Variants in MN1 observed in about 807,000 individuals in gnomAD.
MN1 encodes the protein MN1 proto-oncogene, transcriptional regulator.
A neutral mutation model predicts 86.9 loss-of-function variants in MN1; 19 were observed. The ratio of observed to expected loss-of-function variants is 0.22; its 90% confidence interval spans 0.15 to 0.32. The LOEUF (loss-of-function observed/expected upper bound fraction) is 0.32, where lower values mean the gene tolerates loss of function less well. MN1 is among the 10% of genes least tolerant of loss of function. The pLI, the probability that MN1 is intolerant of heterozygous loss-of-function variation, is 1.00. For missense variants in MN1, 1,841 were observed against 1,862.0 expected (o/e 0.99, Z 0.21); for synonymous variants, 928 against 849.6 (o/e 1.09, Z -1.60).
intron 1 of MN1, among the ~76,000 whole-genome samples, chr22:27,751,529 T>C (rs1178242149): frequency 6.6e-6 from 1 of 152,134 alleles, no homozygotes; most frequent in Non-Finnish European, 1.5e-5. Flanking sequence ...ATTGTCTGGG[T>C]CCAGAACACA....
intron 1 of MN1, among the ~76,000 whole-genome samples, chr22:27,763,762 C>T (rs781214473): frequency 1.3e-5 from 2 of 152,182 alleles, no homozygotes; most frequent in Non-Finnish European, 2.9e-5. Context: ...ACACAGGTTC[C>T]ACCACCTTCC....
At chr22:27,784,683 A>G (rs1005100373) in intron 1 of MN1, among the ~76,000 whole-genome samples, 17 of 152,212 alleles carry the variant, frequency 1.1e-4, no homozygotes, top group Admixed American at 5.2e-4. Context: ...GTTTTTCTGC[A>G]TAAGCCATTT....
chr22:27,788,440 G>C (rs1933166654), intron 1 of MN1, among the ~76,000 whole-genome samples: 1 of 152,048 alleles, frequency 6.6e-6, no homozygotes, highest in East Asian at 1.9e-4. Context: ...ACTGAGCTTT[G>C]GGGATTTCAA....
intron 1 of MN1, among the ~76,000 whole-genome samples, chr22:27,791,525 G>C (rs1412238532): frequency 6.6e-6 from 1 of 152,134 alleles, no homozygotes; most frequent in Non-Finnish European, 1.5e-5. Flanking sequence ...AGCGGGTAGT[G>C]AGAAAAGGAC....
At chr22:27,792,200 A>T (rs2146312557) in intron 1 of MN1, among the ~76,000 whole-genome samples, 1 of 151,862 alleles carries the variant, frequency 6.6e-6, no homozygotes, top group African/African-American at 2.4e-5. Context: ...TCAATAAACT[A>T]GAAGTACATT....
At chr22:27,780,268 C>CCGAGCAGT (rs1933034796) in intron 1 of MN1, among the ~76,000 whole-genome samples, 1 of 152,110 alleles carries the variant, frequency 6.6e-6, no homozygotes, top group South Asian at 2.1e-4. Context: ...CCTACAAGCC[C>CCGAGCAGT]CGAGCAGTCG....
At chr22:27,771,613 CATAA>C (rs1290589200) in intron 1 of MN1, among the ~76,000 whole-genome samples, 2 of 152,096 alleles carry the variant, frequency 1.3e-5, no homozygotes, top group African/African-American at 2.4e-5. Flanking sequence ...TTTCAGTGTC[CATAA>C]ATAAAGTTTT....
rs775720744 is a variant in MN1 at position 27,799,935 on chromosome 22, G to A, written c.609C>T (p.Phe203=). Residue 203 remains phenylalanine (F), a synonymous_variant, in exon 1 of 2, where the codon TTC becomes TTT. Coordinates refer to ENST00000302326, the MANE Select transcript of MN1 (RefSeq NM_002430.3). The part of the protein sequence containing the change: ...LDQSPNRAAS[F]HGLPSSSGSD... ...AGCCGCTGGAGGACGGCAGGCCGTG[G>A]AAGGAGGCGGCTCGGTTAGGGCTCT... 6.9e-6 allele frequency: 11 copies of A among 1,603,368 alleles called. No individual in the cohort carries two copies. Among genetic ancestry groups the A allele is most frequent in the Middle Eastern group, 1.6e-4 (1 of 6,070 alleles).
chr22:27,776,078 T>C (rs1461014289), intron 1 of MN1, among the ~76,000 whole-genome samples: 1 of 152,100 alleles, frequency 6.6e-6, no homozygotes. Context: ...TTTTAAGACC[T>C]AGAAGGGAGG....
rs1933306805 is a variant in MN1 at position 27,796,945 on chromosome 22, C to T, written c.3599G>A (p.Gly1200Asp). Residue 1200 changes from glycine (G) to aspartate (D), a missense_variant, in exon 1 of 2, where the codon GGC (glycine) becomes GAC (aspartate). Coordinates refer to ENST00000302326, the MANE Select transcript of MN1 (RefSeq NM_002430.3). ...CTTGACCGCCTCGGAGCAGCAGCTG[C>T]CCAGCTCGCTGTCGCCATTCTGCGC... is the stretch of plus-strand genomic sequence containing the variant. Reference protein sequence around the residue: ...SGAQNGDSELGSCCSEAVKSA... With the variant: ...SGAQNGDSELDSCCSEAVKSA... The T allele has an allele frequency of 6.2e-7, 1 of 1,612,486 alleles. No individual in the cohort carries two copies. Among genetic ancestry groups the T allele is most frequent in the African/African-American group, 1.3e-5 (1 of 75,052 alleles).
At chr22:27,791,510 C>A (rs1245689981) in intron 1 of MN1, among the ~76,000 whole-genome samples, 1 of 152,052 alleles carries the variant, frequency 6.6e-6, no homozygotes, top group Non-Finnish European at 1.5e-5. Context: ...CTGGGTGGAA[C>A]AAGCAGCGGG....
chr22:27,759,964 T>A (rs1932823802), intron 1 of MN1, among the ~76,000 whole-genome samples: 2 of 151,034 alleles, frequency 1.3e-5, no homozygotes, highest in Non-Finnish European at 3.0e-5. Context: ...ACATGTGTAA[T>A]CCCAGCAATT....
chr22:27,748,573 C>T lies in MN1; in HGVS notation c.*2342G>A, dbSNP rs1932720608. The T allele has an allele frequency of 4.8e-6, 1 of 207,282 alleles. No individual in the cohort carries two copies. The highest frequency in any genetic ancestry group is 1.9e-4 in the South Asian group (1 of 5,302). 12.8% of individuals were successfully genotyped at this position (207,282 alleles called of 1,614,324 possible). A position where few individuals can be genotyped will look rare whatever the true frequency, so the allele number is the denominator to read the frequency against. On this transcript the variant is annotated 3_prime_UTR_variant, in exon 2 of 2. Coordinates refer to ENST00000302326, the MANE Select transcript of MN1 (RefSeq NM_002430.3). ...TTTCTTTCCCAAAGAGTTTGCTATG[C>T]AGTACTGATTACCAGTGTTCGGAGT...
In MN1 at chr22:27,786,246, A is replaced by G. The variant is rs924922344; in HGVS notation, c.3781+10517T>C. Among the ~76,000 whole-genome samples, 16 of 152,336 alleles carry G rather than the reference A, an allele frequency of 1.1e-4. No individual in the cohort carries two copies. In the East Asian group the frequency reaches 2.9e-3, roughly 28 times the overall value. On this transcript the variant is annotated intron_variant, in intron 1 of 1. Coordinates refer to ENST00000302326, the MANE Select transcript of MN1 (RefSeq NM_002430.3). ...CCAGAGAGGAAGAGGGGGGCCCCCC[A>G]AAGAAGCCAGGCTGAAGTGCTCGCA...
chr22:27,760,518 TAAAG>T (rs1430368587), intron 1 of MN1, among the ~76,000 whole-genome samples: 15 of 147,142 alleles, frequency 1.0e-4, no homozygotes, highest in South Asian at 4.2e-4. Context: ...CTAAAAAAAA[TAAAG>T]AAAGAAAGAT....
At chr22:27,756,138 G>A (rs1348591839) in intron 1 of MN1, among the ~76,000 whole-genome samples, 2 of 152,242 alleles carry the variant, frequency 1.3e-5, no homozygotes, top group African/African-American at 4.8e-5. Flanking sequence ...CCCGGGGAGG[G>A]CTGAGTGACC....
chr22:27,799,598 T>C lies in MN1; in HGVS notation c.946A>G (p.Arg316Gly). 2 of 1,530,640 alleles carry C rather than the reference T, an allele frequency of 1.3e-6. No individual in the cohort carries two copies. The highest frequency in any genetic ancestry group is 1.8e-6 in the Non-Finnish European group (2 of 1,137,210). 94.8% of individuals were successfully genotyped at this position (1,530,640 alleles called of 1,614,324 possible). The change falls in exon 1 of 2, where the codon AGG (arginine) becomes GGG (glycine). Residue 316 changes from arginine to glycine, a missense_variant. Arg to Gly is a moderately radical substitution (Grantham distance 125). Coordinates refer to ENST00000302326, the MANE Select transcript of MN1 (RefSeq NM_002430.3). Reference sequence around the variant, plus strand: ...GGCATCTTTCTGGCCCCACTGAACCTCTCAAAGAACACACCATGCTGCTGC... The same window carrying C: ...GGCATCTTTCTGGCCCCACTGAACCCCTCAAAGAACACACCATGCTGCTGC... ...QQQQHGVFFERFSGARKMPVG... is the reference protein window; with the variant it reads ...QQQQHGVFFEGFSGARKMPVG...
intron 1 of MN1, among the ~76,000 whole-genome samples, chr22:27,762,284 C>T (rs1932840156): frequency 6.6e-6 from 1 of 152,130 alleles, no homozygotes; most frequent in Non-Finnish European, 1.5e-5. Flanking sequence ...CACAGCCCGT[C>T]GGTTCTGAGG....
At chr22:27,753,406 G>A (rs1932781932) in intron 1 of MN1, among the ~76,000 whole-genome samples, 2 of 152,174 alleles carry the variant, frequency 1.3e-5, no homozygotes, top group Admixed American at 6.5e-5. Flanking sequence ...GTGAAATGGG[G>A]ATGATGTCAT....
Sources: allele counts gnomAD v4.1 joint callset (sites outside exome capture counted in the v4.1 genomes callset), GRCh38; gene constraint gnomAD v4.1.1; transcripts MANE v1.5; gene names NCBI Gene and HGNC (gene_info 2026-07-23, HGNC 2026-07-21).